The following VSTM4 variants were observed in gnomAD, a reference collection of about 807,000 sequenced individuals.
The protein encoded by VSTM4 is V-set and transmembrane domain-containing protein 4.
VSTM4 carries 20 observed loss-of-function variants against 36.4 expected under a neutral mutation model. The ratio of observed to expected loss-of-function variants is 0.55; its 90% CI spans 0.39 to 0.80. VSTM4 has a LOEUF of 0.80. Ranked by LOEUF, VSTM4 falls within the 30% of genes least tolerant of loss-of-function variation. The pLI, the probability that VSTM4 is intolerant of heterozygous loss-of-function variation, is 0.00. For synonymous variants in VSTM4, 182 were observed against 173.9 expected, an observed-to-expected ratio of 1.05 and a Z score of -0.37; for missense variants, 392 against 404.5, an observed-to-expected ratio of 0.97 and a Z score of 0.26.
Position 49,019,438 on chromosome 10 carries a change from T to G in VSTM4, c.*212A>C. Reference sequence around the variant, plus strand: ...TCAGGGCTCAAACCCAGGCGCATCTTGTCCCGGGAGATCTGTCAAGAGCTG... The same window carrying G: ...TCAGGGCTCAAACCCAGGCGCATCTGGTCCCGGGAGATCTGTCAAGAGCTG... On this transcript the variant is annotated 3_prime_UTR_variant, in exon 8 of 8. Transcript: ENST00000332853. 1 of 481,666 alleles carries G rather than the reference T, an allele frequency of 2.1e-6. No individual in the cohort carries two copies. The highest frequency in any genetic ancestry group is 3.2e-6 in the Non-Finnish European group (1 of 312,964). 29.8% of individuals were successfully genotyped at this position (481,666 alleles called of 1,614,324 possible).
intron 7 of VSTM4, among the ~76,000 whole-genome samples, chr10:49,021,809 G>A (rs1234268244): frequency 6.6e-6 from 1 of 152,128 alleles, no homozygotes; most frequent in African/African-American, 2.4e-5. Flanking sequence ...TAGGAGATGG[G>A]GGCATTCGTA....
chr10:49,084,042 C>G (rs1468610677), intron 3 of VSTM4, among the ~76,000 whole-genome samples: 1 of 152,208 alleles, frequency 6.6e-6, no homozygotes, highest in Non-Finnish European at 1.5e-5. Context: ...ATATCCCAAC[C>G]CATCACAGTG....
intron 1 of VSTM4, among the ~76,000 whole-genome samples, chr10:49,115,006 G>A (rs984819687): frequency 6.6e-6 from 1 of 152,152 alleles, no homozygotes; most frequent in African/African-American, 2.4e-5. Context: ...ACTTGTCTTC[G>A]GAGTAACTCT....
chr10:49,034,700 T>TTTTTC (rs1305684045), intron 7 of VSTM4, among the ~76,000 whole-genome samples: 7 of 152,164 alleles, frequency 4.6e-5, no homozygotes, highest in African/African-American at 9.7e-5. Flanking sequence ...GTTGATGATG[T>TTTTTC]TTTTCTTTTC....
intron 7 of VSTM4, among the ~76,000 whole-genome samples, chr10:49,043,512 C>G (rs1843553116): frequency 6.6e-6 from 1 of 152,124 alleles, no homozygotes; most frequent in African/African-American, 2.4e-5. Flanking sequence ...TCCTATTTCT[C>G]TGCACCTAGT....
At chr10:49,090,867 C>A (rs2132006954) in intron 2 of VSTM4, among the ~76,000 whole-genome samples, 1 of 152,294 alleles carries the variant, frequency 6.6e-6, no homozygotes, top group East Asian at 1.9e-4. Flanking sequence ...CTCACGGAGC[C>A]CCACCTGTGA....
intron 3 of VSTM4, among the ~76,000 whole-genome samples, chr10:49,077,839 G>A (rs1337934909): frequency 3.3e-5 from 5 of 152,098 alleles, no homozygotes; most frequent in Non-Finnish European, 5.9e-5. Context: ...ATTAAAAACT[G>A]ATGTTCTGTA....
chr10:49,086,217 C>T lies in VSTM4; in HGVS notation c.458-194G>A, dbSNP rs117154163. On this transcript the variant is annotated intron_variant, in intron 2 of 7. Coordinates refer to ENST00000332853, the MANE Select transcript of VSTM4 (RefSeq NM_001031746.5). ...GGCACAGGAGAGGTTGAAGTTAAGTCATCCATGTTTAAAAGCCAGTAAATG... is the reference window on the plus strand; with the variant it reads ...GGCACAGGAGAGGTTGAAGTTAAGTTATCCATGTTTAAAAGCCAGTAAATG... Among the ~76,000 whole-genome samples, 1,272 of 152,300 alleles carry T rather than the reference C, an allele frequency of 8.4e-3. 37 individuals are homozygous for T. The highest frequency in any genetic ancestry group is 0.05 in the South Asian group (241 of 4,828).
At chr10:49,051,390 C>CTTTTTTTTTTTT (rs796786621) in intron 5 of VSTM4, among the ~76,000 whole-genome samples, 8 of 130,802 alleles carry the variant, frequency 6.1e-5, no homozygotes, top group Non-Finnish European at 1.1e-4. Context: ...CAGCTCATTT[C>CTTTTTTTTTTTT]TTTTTTTTTT....
chr10:49,035,843 A>T (rs1843421717), intron 7 of VSTM4, among the ~76,000 whole-genome samples: 1 of 152,162 alleles, frequency 6.6e-6, no homozygotes, highest in Non-Finnish European at 1.5e-5. Flanking sequence ...ATCAAAAAAA[A>T]TAATAAATAA....
At chr10:49,029,349 A>G (rs1193468081) in intron 7 of VSTM4, among the ~76,000 whole-genome samples, 1 of 152,254 alleles carries the variant, frequency 6.6e-6, no homozygotes, top group African/African-American at 2.4e-5. Flanking sequence ...AAAACAAAGG[A>G]CATAATCCAG....
chr10:49,033,716 G>A (rs1412956163), intron 7 of VSTM4, among the ~76,000 whole-genome samples: 1 of 152,102 alleles, frequency 6.6e-6, no homozygotes, highest in Non-Finnish European at 1.5e-5. Flanking sequence ...TGTCCTAGTG[G>A]GAGACTTTGT....
At chr10:49,063,025 CT>C (rs141666556) in intron 5 of VSTM4, among the ~76,000 whole-genome samples, 14,547 of 138,384 alleles carry the variant, frequency 0.11, 2,141 homozygotes, top group African/African-American at 0.34. Flanking sequence ...ATGATTGAAT[CT>C]TTTTTTTTTT....
At chr10:49,078,628 G>C (rs1590112351) in intron 3 of VSTM4, among the ~76,000 whole-genome samples, 1 of 152,152 alleles carries the variant, frequency 6.6e-6, no homozygotes, top group Non-Finnish European at 1.5e-5. Flanking sequence ...ACAGATGAGT[G>C]GTTGCCAGCA....
intron 7 of VSTM4, among the ~76,000 whole-genome samples, chr10:49,034,603 T>C (rs989362633): frequency 6.6e-6 from 1 of 152,234 alleles, no homozygotes; most frequent in Non-Finnish European, 1.5e-5. Flanking sequence ...TCTCCTTAAA[T>C]GCACCATAAG....
At position 49,070,034 on chromosome 10, in the gene VSTM4, C is replaced by T. The variant is rs374025364; in HGVS notation, c.635-5298G>A. ...TTGGGAGGCCGAGGCGGGCGGATCACGAGGTCAGGAGATCGAGACCATCCC... is the reference window on the plus strand; with the variant it reads ...TTGGGAGGCCGAGGCGGGCGGATCATGAGGTCAGGAGATCGAGACCATCCC... On this transcript the variant is annotated intron_variant, in intron 4 of 7. Coordinates refer to ENST00000332853, the MANE Select transcript of VSTM4 (RefSeq NM_001031746.5). Among the ~76,000 whole-genome samples, 4 of 62,160 alleles carry T rather than the reference C, an allele frequency of 6.4e-5. 1 individual carries two copies. The highest frequency in any genetic ancestry group is 4.1e-4 in the South Asian group (1 of 2,428). 40.8% of individuals were successfully genotyped at this position (62,160 alleles called of 152,430 possible).
At chr10:49,079,718 C>G (rs1476597833) in intron 3 of VSTM4, among the ~76,000 whole-genome samples, 1 of 152,078 alleles carries the variant, frequency 6.6e-6, no homozygotes, top group African/African-American at 2.4e-5. Flanking sequence ...GACACCCAGC[C>G]CAGCCTGGGG....
intron 2 of VSTM4, among the ~76,000 whole-genome samples, chr10:49,101,038 A>G (rs1044499366): frequency 6.6e-6 from 1 of 152,120 alleles, no homozygotes; most frequent in African/African-American, 2.4e-5. Flanking sequence ...AAAGAGATAA[A>G]GGAGTAAAGC....
At chr10:49,113,741 A>G (rs1844939225) in intron 1 of VSTM4, among the ~76,000 whole-genome samples, 1 of 152,210 alleles carries the variant, frequency 6.6e-6, no homozygotes, top group Admixed American at 6.5e-5. Context: ...ACAGCAGTTA[A>G]GAAGCTGTAC....
Sources: gnomAD v4.1 joint callset for allele counts (sites outside exome capture counted in the v4.1 genomes callset) on GRCh38, gnomAD v4.1.1 for gene constraint, MANE v1.5 for transcripts, NCBI Gene and HGNC (gene_info 2026-07-23, HGNC 2026-07-21) for gene names.